BACH1: variants seen among roughly 807,000 people sequenced by gnomAD.
BACH1 encodes BTB domain and CNC homolog 1.
A neutral mutation model predicts 52.9 loss-of-function variants in BACH1; 35 were observed. The observed-to-expected ratio is 0.66, with a 90% CI of 0.51 to 0.88. The LOEUF (loss-of-function observed/expected upper bound fraction) is 0.88, where lower values mean the gene tolerates loss of function less well. Among genes scored for constraint, BACH1 ranks in the 40% least tolerant of loss-of-function variants. The pLI is 0.00. For missense variants in BACH1, 808 were observed against 872.6 expected, an observed-to-expected ratio of 0.93 and a Z score of 0.93; for synonymous variants, 321 against 319.6, an observed-to-expected ratio of 1.00 and a Z score of -0.05.
intron 1 of BACH1, among the ~76,000 whole-genome samples, chr21:29,310,171 C>T (rs557537250): frequency 6.6e-6 from 1 of 152,262 alleles, no homozygotes; most frequent in African/African-American, 2.4e-5. Flanking sequence ...TAGGAAATAT[C>T]TACTCTAAAG....
chr21:29,323,287 C>G (rs2088870295), intron 2 of BACH1, among the ~76,000 whole-genome samples: 1 of 152,174 alleles, frequency 6.6e-6, no homozygotes, highest in Non-Finnish European at 1.5e-5. Flanking sequence ...AGGCCACCTG[C>G]AAGCTGAGGA....
In BACH1 at chr21:29,326,419, C is replaced by T; in HGVS notation, c.595C>T (p.Leu199=). The T allele has an allele frequency of 1.2e-6, 2 of 1,614,214 alleles. No homozygotes were observed. Among genetic ancestry groups the T allele is most frequent in the East Asian group, 2.2e-5 (1 of 44,886 alleles). ...YQGNAKASPP[L]QDSASQTYES... ...AGGAAATGCAAAAGCCTCACCTCCT[C>T]TACAAGACAGTGCCAGTCAGACATA... Residue 199 remains leucine (L), a synonymous_variant, in exon 3 of 5, where the codon CTA becomes TTA. Transcript: ENST00000286800.
At chr21:29,360,069 A>G (rs1294007904) in intron 2 of BACH1, among the ~76,000 whole-genome samples, 1 of 152,136 alleles carries the variant, frequency 6.6e-6, no homozygotes, top group Non-Finnish European at 1.5e-5. Context: ...TCCCTTATCT[A>G]CCTCTGACCT....
intron 4 of BACH1, among the ~76,000 whole-genome samples, chr21:29,334,843 A>G (rs1378413212): frequency 2.6e-5 from 4 of 152,190 alleles, no homozygotes; most frequent in Non-Finnish European, 5.9e-5. Context: ...TTAAAAATAA[A>G]CCTGTCCTAT....
intron 1 of BACH1, among the ~76,000 whole-genome samples, chr21:29,317,334 C>G (rs2088799338): frequency 6.6e-6 from 1 of 152,172 alleles, no homozygotes; most frequent in Non-Finnish European, 1.5e-5. Flanking sequence ...CAGCATGTAC[C>G]TGTGTTGGAC....
chr21:29,328,156 A>G (rs2088937074), intron 3 of BACH1, among the ~76,000 whole-genome samples: 1 of 152,170 alleles, frequency 6.6e-6, no homozygotes, highest in Non-Finnish European at 1.5e-5. Flanking sequence ...AGTGGAGTAA[A>G]GTTTATTGGA....
At chr21:29,349,557 C>T (rs2089190588), downstream of BACH1, among the ~76,000 whole-genome samples, 1 of 152,168 alleles carries the variant, frequency 6.6e-6, no homozygotes, top group Non-Finnish European at 1.5e-5. Context: ...TCTAGGGCCT[C>T]TTGCAGTCCG....
downstream of BACH1, among the ~76,000 whole-genome samples, chr21:29,350,777 T>A (rs1157293359): frequency 1.3e-5 from 2 of 151,832 alleles, no homozygotes; most frequent in Non-Finnish European, 2.9e-5. Flanking sequence ...AAGGTCAGAG[T>A]GTAGAAGGTG....
chr21:29,309,564 C>T (rs1016799118), intron 1 of BACH1, among the ~76,000 whole-genome samples: 15 of 152,122 alleles, frequency 9.9e-5, no homozygotes, highest in African/African-American at 2.7e-4. Context: ...GTAACAGAAG[C>T]GGGTCATCCT....
At chr21:29,315,943 A>G (rs571700068) in intron 1 of BACH1, among the ~76,000 whole-genome samples, 1 of 152,182 alleles carries the variant, frequency 6.6e-6, no homozygotes, top group Admixed American at 6.5e-5. Context: ...AACATTTGTC[A>G]TTTTTCAATG....
chr21:29,334,019 T>C (rs1317917936), intron 4 of BACH1, among the ~76,000 whole-genome samples: 1 of 152,238 alleles, frequency 6.6e-6, no homozygotes, highest in Non-Finnish European at 1.5e-5. Flanking sequence ...AGCATTAATT[T>C]AGCATTGCTT....
chr21:29,324,673 A>G (rs537003803), intron 2 of BACH1, among the ~76,000 whole-genome samples: 10 of 152,030 alleles, frequency 6.6e-5, no homozygotes, highest in African/African-American at 2.4e-4. Flanking sequence ...TGCTGTAAAC[A>G]TTTGTGTACT....
intron 4 of BACH1, among the ~76,000 whole-genome samples, chr21:29,331,860 T>G (rs1307694228): frequency 6.6e-6 from 1 of 152,222 alleles, no homozygotes; most frequent in East Asian, 1.9e-4. Context: ...GTATTTTTTA[T>G]TATTTTCCAT....
chr21:29,330,965 A>AC (rs907167318), intron 4 of BACH1, among the ~76,000 whole-genome samples: 1 of 151,790 alleles, frequency 6.6e-6, no homozygotes, highest in African/African-American at 2.4e-5. Flanking sequence ...TAAAAAAAAA[A>AC]ACAAAAAACC....
At chr21:29,323,944 G>T (rs1042420473) in intron 2 of BACH1, among the ~76,000 whole-genome samples, 4 of 152,090 alleles carry the variant, frequency 2.6e-5, no homozygotes, top group African/African-American at 9.7e-5. Context: ...GAAGGTTTGT[G>T]TATCCACCAC....
rs1429582149 is a variant in BACH1 at position 29,342,989 on chromosome 21, C to T, written c.*156C>T. Reference sequence around the variant, plus strand: ...TCCTTTAAGTCAACCATGATTTCTCCTTGATTTCTACAAGAGACAAAGAAA... The same window carrying T: ...TCCTTTAAGTCAACCATGATTTCTCTTTGATTTCTACAAGAGACAAAGAAA... On this transcript the variant is annotated 3_prime_UTR_variant, in exon 5 of 5. Transcript: ENST00000286800. 2 of 705,088 alleles carry T rather than the reference C, an allele frequency of 2.8e-6. No individual in the cohort carries two copies. Among genetic ancestry groups the T allele is most frequent in the Non-Finnish European group, 4.3e-6 (2 of 462,652 alleles). The allele number at this position is 705,088 out of a possible 1,614,324, so 43.7% of individuals were successfully genotyped here.
chr21:29,342,103 T>C (rs945361581), intron 4 of BACH1, among the ~76,000 whole-genome samples: 1 of 152,176 alleles, frequency 6.6e-6, no homozygotes, highest in Non-Finnish European at 1.5e-5. Context: ...TACCTAGAAA[T>C]GTAAAGATAG....
chr21:29,351,087 T>A (rs948921916), downstream of BACH1, among the ~76,000 whole-genome samples: 1 of 152,234 alleles, frequency 6.6e-6, no homozygotes, highest in African/African-American at 2.4e-5. Flanking sequence ...CTTTTCATTT[T>A]AAAACAGCCA....
At chr21:29,337,537 A>T (rs1390237722) in intron 4 of BACH1, among the ~76,000 whole-genome samples, 1 of 152,238 alleles carries the variant, frequency 6.6e-6, no homozygotes, top group Non-Finnish European at 1.5e-5. Context: ...CAATTACATT[A>T]GTGTATTGTT....
Sources: gnomAD v4.1 joint callset for allele counts (sites outside exome capture counted in the v4.1 genomes callset) on GRCh38, gnomAD v4.1.1 for gene constraint, MANE v1.5 for transcripts, NCBI Gene and HGNC (gene_info 2026-07-23, HGNC 2026-07-21) for gene names.